Variants in CNTN4 observed in about 807,000 individuals in gnomAD.
CNTN4 encodes contactin 4.
In CNTN4, 77 loss-of-function variants were observed where a neutral mutation model predicts 122.5. The ratio of observed to expected loss-of-function variants is 0.63; its 90% CI spans 0.52 to 0.76. CNTN4 has a LOEUF of 0.76. CNTN4 is among the 30% of genes least tolerant of loss of function. The pLI, the probability that CNTN4 is intolerant of heterozygous loss-of-function variation, is 0.00. For missense variants in CNTN4, 1,256 were observed against 1,259.1 expected, an observed-to-expected ratio of 1.00 and a Z score of 0.04; for synonymous variants, 512 against 447.0, an observed-to-expected ratio of 1.15 and a Z score of -1.83.
Position 2,361,925 on chromosome 3 carries a change from T to C in CNTN4, c.-89+22692T>C, listed in dbSNP as rs528621244. ...ACTTAAATACATATTAAAATTTTAA[T>C]ATAGATACATGATTTATGGTCAGCA... On this transcript the variant is annotated intron_variant, in intron 3 of 24. Coordinates refer to ENST00000418658, the MANE Select transcript of CNTN4 (RefSeq NM_175607.3). Among the ~76,000 whole-genome samples, 190 of 152,286 alleles carry C rather than the reference T, an allele frequency of 1.2e-3. 1 individual carries two copies. The highest frequency in any genetic ancestry group is 4.3e-3 in the African/African-American group (179 of 41,576).
chr3:2,873,145 A>G (rs2093805352), intron 8 of CNTN4, among the ~76,000 whole-genome samples: 1 of 152,204 alleles, frequency 6.6e-6, no homozygotes, highest in Non-Finnish European at 1.5e-5. Context: ...ACGTACCAGC[A>G]GCTCTCATAA....
At chr3:2,344,943 C>T (rs1427186873) in intron 3 of CNTN4, among the ~76,000 whole-genome samples, 2 of 152,196 alleles carry the variant, frequency 1.3e-5, no homozygotes, top group African/African-American at 4.8e-5. Context: ...TCTGTTAGCA[C>T]TTAATGAATT....
At chr3:2,994,613 ATGTGTG>A (rs1553719119) in intron 14 of CNTN4, among the ~76,000 whole-genome samples, 1 of 142,216 alleles carries the variant, frequency 7.0e-6, no homozygotes, top group African/African-American at 2.6e-5. Context: ...ATATATATAT[ATGTGTG>A]TATATATATA....
At chr3:2,694,279 A>G (rs1378594513) in intron 4 of CNTN4, among the ~76,000 whole-genome samples, 1 of 152,204 alleles carries the variant, frequency 6.6e-6, no homozygotes, top group African/African-American at 2.4e-5. Flanking sequence ...TGTAGCTGAC[A>G]ATGTCTAGCA....
intron 14 of CNTN4, among the ~76,000 whole-genome samples, chr3:3,021,663 C>G (rs1409725032): frequency 1.3e-5 from 2 of 152,174 alleles, no homozygotes; most frequent in African/African-American, 4.8e-5. Context: ...AAGTGAATAT[C>G]TTGGCACTGT....
intron 12 of CNTN4, among the ~76,000 whole-genome samples, chr3:2,918,044 A>G (rs2094388699): frequency 6.6e-6 from 1 of 152,208 alleles, no homozygotes; most frequent in Non-Finnish European, 1.5e-5. Flanking sequence ...TGCTTTTGGT[A>G]AAGTCTTTTG....
intron 3 of CNTN4, among the ~76,000 whole-genome samples, chr3:2,415,490 A>G (rs577443966): frequency 6.6e-6 from 1 of 152,220 alleles, no homozygotes; most frequent in Non-Finnish European, 1.5e-5. Context: ...TTAAAAAGTC[A>G]TAACATTTCC....
At chr3:2,886,104 C>A (rs1478341734) in intron 9 of CNTN4, among the ~76,000 whole-genome samples, 1 of 152,138 alleles carries the variant, frequency 6.6e-6, no homozygotes, top group Non-Finnish European at 1.5e-5. Flanking sequence ...GGGCCATAGA[C>A]CTCATCTCAA....
At chr3:2,570,733 T>C (rs1431626956) in intron 3 of CNTN4, among the ~76,000 whole-genome samples, 1 of 152,128 alleles carries the variant, frequency 6.6e-6, no homozygotes, top group African/African-American at 2.4e-5. Flanking sequence ...AGGTAATGAG[T>C]GGCCTCTCTT....
intron 12 of CNTN4, among the ~76,000 whole-genome samples, chr3:2,909,885 G>A (rs758676634): frequency 8.5e-5 from 13 of 152,092 alleles, no homozygotes; most frequent in Non-Finnish European, 1.3e-4. Context: ...CAAGACCACC[G>A]TTTGAGAACC....
At chr3:3,026,518 A>C (rs1698733583) in intron 15 of CNTN4, among the ~76,000 whole-genome samples, 1 of 152,158 alleles carries the variant, frequency 6.6e-6, no homozygotes, top group Admixed American at 6.6e-5. Context: ...TGTATGGATT[A>C]GAAACTAAGG....
At chr3:2,586,480 A>G (rs954546595) in intron 4 of CNTN4, among the ~76,000 whole-genome samples, 11 of 152,168 alleles carry the variant, frequency 7.2e-5, no homozygotes, top group African/African-American at 2.4e-4. Flanking sequence ...TTTAGTAGAG[A>G]TGGGATTTCA....
At chr3:2,795,073 A>G (rs2092128546) in intron 6 of CNTN4, among the ~76,000 whole-genome samples, 1 of 152,234 alleles carries the variant, frequency 6.6e-6, no homozygotes, top group Admixed American at 6.5e-5. Context: ...TCCATGGTTA[A>G]GAAGGTTCCT....
intron 4 of CNTN4, among the ~76,000 whole-genome samples, chr3:2,661,726 C>G (rs958078): frequency 0.04 from 5,867 of 146,838 alleles, 380 homozygotes; most frequent in African/African-American, 0.14. Flanking sequence ...GCAGGAGAAT[C>G]GCTTCAACCC....
rs1025558871 is a variant in CNTN4, at chr3:2,240,295, G to GT, written c.-144-98881dup. ...TCTTTTTTCCTTTTCCGTTCCTTTA[G>GT]TTAAAACGAAATCTTACCCTAAAGT... On this transcript the variant is annotated intron_variant, in intron 2 of 24. Coordinates refer to ENST00000418658, the MANE Select transcript of CNTN4 (RefSeq NM_175607.3). 1.6e-4 allele frequency among the ~76,000 whole-genome samples: 24 copies of GT among 151,938 alleles called. 3 individuals carry two copies. The highest frequency in any genetic ancestry group is 1.4e-3 in the Admixed American group (22 of 15,252).
chr3:3,030,082 C>T (rs1210718778), intron 15 of CNTN4, among the ~76,000 whole-genome samples: 1 of 152,160 alleles, frequency 6.6e-6, no homozygotes, highest in Non-Finnish European at 1.5e-5. Flanking sequence ...ATTCTCCAAA[C>T]TTTGGATTAA....
rs572779192 is a variant in CNTN4 at position 2,152,817 on chromosome 3, G to A, written c.-145+52178G>A. On this transcript the variant is annotated intron_variant, in intron 2 of 24. Transcript: ENST00000418658. ...TGAGACAAAAGCAGGGTACGGAAAT[G>A]TACTCCCAGATCGGGCTCAGCCTCT... 6.6e-5 allele frequency among the ~76,000 whole-genome samples: 10 copies of A among 152,238 alleles called. No individual in the cohort carries two copies. The South Asian group carries it at 2.1e-3, about 32-fold the overall frequency.
At chr3:2,297,729 G>C (rs72992017) in intron 2 of CNTN4, among the ~76,000 whole-genome samples, 97 of 152,048 alleles carry the variant, frequency 6.4e-4, no homozygotes, top group Non-Finnish European at 1.1e-3. Context: ...GTTTTGTTTT[G>C]TTTTCTTTTG....
rs374153823 is a variant in CNTN4 at position 2,925,630 on chromosome 3, T to G, written c.1209T>G (p.Ala403=). ...ATTATTTTTTGTACTGTCTTTCAGC[T>G]GTAGGTCCAGATTTTTCAAGAACAC... ...IFSNAELSVI[A]VGPDFSRTLL... is the part of the protein sequence containing the mutation. Residue 403 remains alanine (A), a splice_region_variant and synonymous_variant, in exon 13 of 25, where the codon GCT becomes GCG. Coordinates refer to ENST00000418658, the MANE Select transcript of CNTN4 (RefSeq NM_175607.3). 11 of 1,613,618 alleles carry G rather than the reference T, an allele frequency of 6.8e-6. No individual in the cohort carries two copies. The highest frequency in any genetic ancestry group is 9.3e-6 in the Non-Finnish European group (11 of 1,179,696).
Sources: gnomAD v4.1 joint callset for allele counts (sites outside exome capture counted in the v4.1 genomes callset) on GRCh38, gnomAD v4.1.1 for gene constraint, MANE v1.5 for transcripts, NCBI Gene and HGNC (gene_info 2026-07-23, HGNC 2026-07-21) for gene names.